The following TNRC6B variants were observed in gnomAD, a reference collection of about 807,000 sequenced individuals.
The protein encoded by TNRC6B is trinucleotide repeat containing adaptor 6B.
TNRC6B carries 52 observed loss-of-function variants against 203.6 expected under a neutral mutation model. That is an observed-to-expected ratio of 0.26 (90% CI 0.20 to 0.32). The LOEUF is 0.32. TNRC6B is among the 10% of genes least tolerant of loss of function. TNRC6B has a pLI of 1.00. For missense variants in TNRC6B, 1,923 were observed against 2,286.2 expected (o/e 0.84, Z 3.24); for synonymous variants, 838 against 845.7 (o/e 0.99, Z 0.16).
intron 1 of TNRC6B, among the ~76,000 whole-genome samples, chr22:40,194,211 A>G (rs1468303737): frequency 6.6e-6 from 1 of 152,204 alleles, no homozygotes; most frequent in East Asian, 1.9e-4. Context: ...GGGAATTTAC[A>G]TCTTGGAAGG....
At chr22:40,144,371 C>T (rs1030833020) in intron 3 of TNRC6B, among the ~76,000 whole-genome samples, 1 of 152,120 alleles carries the variant, frequency 6.6e-6, no homozygotes, top group Non-Finnish European at 1.5e-5. Flanking sequence ...TGGAACACTA[C>T]TAAGTTTAAA....
intron 4 of TNRC6B, among the ~76,000 whole-genome samples, chr22:40,263,414 G>A (rs955812926): frequency 1.8e-4 from 28 of 152,204 alleles, no homozygotes; most frequent in Non-Finnish European, 3.7e-4. Flanking sequence ...GCAAAAGGAA[G>A]CATGTGAAGG....
At chr22:40,099,269 G>GAA (rs1043194937) in intron 1 of TNRC6B, among the ~76,000 whole-genome samples, 1 of 148,344 alleles carries the variant, frequency 6.7e-6, no homozygotes, top group African/African-American at 2.5e-5. Flanking sequence ...AAAAAAAAAG[G>GAA]AAAAAAAAAC....
intron 3 of TNRC6B, among the ~76,000 whole-genome samples, chr22:40,127,517 C>G (rs1050878018): frequency 6.6e-6 from 1 of 151,994 alleles, no homozygotes. Context: ...ATACACACAC[C>G]CCAGAATTTC....
rs142201355 is a variant in TNRC6B at position 40,046,601 on chromosome 22, G to A, written c.-121+1603G>A. Among the ~76,000 whole-genome samples, 451 of 150,184 alleles carry A rather than the reference G, an allele frequency of 3.0e-3. 4 individuals carry two copies. Among genetic ancestry groups the A allele is most frequent in the African/African-American group, 0.011 (438 of 40,096 alleles). On this transcript the variant is annotated intron_variant, in intron 1 of 23. Transcript: ENST00000301923. ...TGAAAAAGATTTCCCTCATTCAAAT[G>A]GAAGCACTTAAATTTTTTTTTTTTT...
At chr22:40,268,637 C>T (rs1021726002) in intron 5 of TNRC6B, among the ~76,000 whole-genome samples, 3 of 151,988 alleles carry the variant, frequency 2.0e-5, no homozygotes, top group African/African-American at 4.8e-5. Flanking sequence ...TTTGGCCAGG[C>T]GCGGTGGCTC....
At chr22:40,153,979 AT>A (rs1198340450) in intron 3 of TNRC6B, among the ~76,000 whole-genome samples, 16 of 150,392 alleles carry the variant, frequency 1.1e-4, no homozygotes, top group Non-Finnish European at 1.3e-4. Flanking sequence ...GGCTTTCTTT[AT>A]TTTTTTTTAA....
intron 3 of TNRC6B, among the ~76,000 whole-genome samples, chr22:40,254,287 G>A (rs2070236667): frequency 6.6e-6 from 1 of 152,210 alleles, no homozygotes. Flanking sequence ...TTAGGATTAA[G>A]TTTAGGATTA....
At chr22:40,178,423 G>T (rs1211447125) in intron 1 of TNRC6B, among the ~76,000 whole-genome samples, 1 of 152,176 alleles carries the variant, frequency 6.6e-6, no homozygotes, top group African/African-American at 2.4e-5. Context: ...GAAGCTGCGA[G>T]TAATTGGAAA....
rs956651029 is a variant in TNRC6B at position 40,326,815 on chromosome 22, T to C, written c.*3574T>C. On this transcript the variant is annotated 3_prime_UTR_variant, in exon 23 of 23. Coordinates refer to ENST00000454349, the MANE Select transcript of TNRC6B (RefSeq NM_001162501.2). Reference sequence around the variant, plus strand: ...GAGGAAAATTATCTATGGACTGTCCTATTAATGAAGAATGTCTGTCTTACC... The same window carrying C: ...GAGGAAAATTATCTATGGACTGTCCCATTAATGAAGAATGTCTGTCTTACC... 1.3e-5 allele frequency: 2 copies of C among 152,672 alleles called. No individual in the cohort carries two copies. Among genetic ancestry groups the C allele is most frequent in the Non-Finnish European group, 2.9e-5 (2 of 68,052 alleles). 9.5% of individuals were successfully genotyped at this position (152,672 alleles called of 1,614,324 possible).
chr22:40,135,126 T>G (rs2068588335), intron 3 of TNRC6B, among the ~76,000 whole-genome samples: 1 of 152,212 alleles, frequency 6.6e-6, no homozygotes, highest in South Asian at 2.1e-4. Flanking sequence ...CTTGGGTTTC[T>G]CACAGCATGG....
At chr22:40,188,557 G>A (rs916762049) in intron 1 of TNRC6B, among the ~76,000 whole-genome samples, 5 of 152,296 alleles carry the variant, frequency 3.3e-5, no homozygotes, top group East Asian at 3.9e-4. Context: ...AGGTGATCGC[G>A]TGTGCTCCCC....
intron 3 of TNRC6B, among the ~76,000 whole-genome samples, chr22:40,134,677 C>T (rs1243924831): frequency 6.6e-6 from 1 of 152,076 alleles, no homozygotes; most frequent in Admixed American, 6.6e-5. Context: ...AACAAACCTG[C>T]ATGTTCTGCA....
intron 1 of TNRC6B, among the ~76,000 whole-genome samples, chr22:40,111,261 T>A (rs574104303): frequency 6.6e-6 from 1 of 152,140 alleles, no homozygotes; most frequent in Non-Finnish European, 1.5e-5. Flanking sequence ...ACAATTGGGC[T>A]TTGGAGGCGA....
intron 1 of TNRC6B, among the ~76,000 whole-genome samples, chr22:40,095,873 A>G (rs1488628592): frequency 1.3e-5 from 2 of 152,014 alleles, no homozygotes; most frequent in Non-Finnish European, 2.9e-5. Flanking sequence ...AACAAAATTT[A>G]CAAGTACCAC....
chr22:40,104,229 C>A (rs1406590806), intron 1 of TNRC6B, among the ~76,000 whole-genome samples: 1 of 151,992 alleles, frequency 6.6e-6, no homozygotes, highest in Non-Finnish European at 1.5e-5. Flanking sequence ...CCAGCCTGGA[C>A]AACAGAGCAA....
intron 1 of TNRC6B, chr22:40,106,922 T>A: frequency 9.9e-7 from 1 of 1,011,028 alleles, no homozygotes; most frequent in East Asian, 2.4e-5. Flanking sequence ...ATGGATAAAC[T>A]TCCTCCTTGC....
chr22:40,182,285 A>AC (rs1204935111), intron 1 of TNRC6B, among the ~76,000 whole-genome samples: 1 of 152,024 alleles, frequency 6.6e-6, no homozygotes, highest in Non-Finnish European at 1.5e-5. Flanking sequence ...CCAAATAATT[A>AC]CCCCATTTAA....
chr22:40,269,706 C>A (rs536272224), intron 5 of TNRC6B, among the ~76,000 whole-genome samples: 41 of 151,512 alleles, frequency 2.7e-4, no homozygotes, highest in Admixed American at 1.8e-3. Context: ...TGTGGTGAAA[C>A]CCTGTCTCTA....
Sources: allele counts gnomAD v4.1 joint callset (sites outside exome capture counted in the v4.1 genomes callset), GRCh38; gene constraint gnomAD v4.1.1; transcripts MANE v1.5; gene names NCBI Gene and HGNC (gene_info 2026-07-23, HGNC 2026-07-21).